Variants in PPM1G observed in about 807,000 individuals in gnomAD.
PPM1G encodes the protein protein phosphatase 1G.
In PPM1G, 12 loss-of-function variants were observed where a neutral mutation model predicts 59.4. That is an observed-to-expected ratio of 0.20 (90% CI 0.13 to 0.33). The LOEUF is 0.33. Ranked by LOEUF, PPM1G falls within the 10% of genes least tolerant of loss-of-function variation. The probability of loss-of-function intolerance (pLI) is 1.00; values close to 1 mark genes in which losing one functional copy is unlikely to be tolerated. For synonymous variants in PPM1G, 245 were observed against 251.9 expected (o/e 0.97, Z 0.26); for missense variants, 392 against 681.3 (o/e 0.58, Z 4.73).
At chr2:27,388,947 G>A (rs931429127) in intron 1 of PPM1G, among the ~76,000 whole-genome samples, 1 of 147,530 alleles carries the variant, frequency 6.8e-6, no homozygotes, top group African/African-American at 2.5e-5. Flanking sequence ...ACCACAGAGG[G>A]TGAGATTTGG....
At chr2:27,407,148 T>C (rs1663397352) in intron 1 of PPM1G, among the ~76,000 whole-genome samples, 1 of 152,020 alleles carries the variant, frequency 6.6e-6, no homozygotes, top group Non-Finnish European at 1.5e-5. Context: ...TGTATTTTAA[T>C]AAAGACGGGG....
intron 1 of PPM1G, among the ~76,000 whole-genome samples, chr2:27,404,432 C>T (rs1663289908): frequency 6.6e-6 from 1 of 151,792 alleles, no homozygotes; most frequent in African/African-American, 2.4e-5. Flanking sequence ...CTCCTGTAAT[C>T]CCAGCTATTT....
chr2:27,406,021 A>G (rs1663353550), intron 1 of PPM1G, among the ~76,000 whole-genome samples: 1 of 152,054 alleles, frequency 6.6e-6, no homozygotes, highest in Non-Finnish European at 1.5e-5. Context: ...AAACAAAACA[A>G]AACAAACAAC....
intron 1 of PPM1G, among the ~76,000 whole-genome samples, chr2:27,388,839 CACTCCAGCCAGGGCGACAGAGCAAG>C (rs1683830244): frequency 7.1e-6 from 1 of 140,662 alleles, no homozygotes; most frequent in Non-Finnish European, 1.5e-5. Flanking sequence ...TGCGCCACTG[CACTCCAGCCAGGGCGACAGAGCAAG>C]ACTCCGTCTC....
At chr2:27,391,801 G>A (rs1235549946) in intron 1 of PPM1G, among the ~76,000 whole-genome samples, 1 of 149,420 alleles carries the variant, frequency 6.7e-6, no homozygotes, top group African/African-American at 2.5e-5. Context: ...GCGCGATCTC[G>A]GCTCATCACA....
chr2:27,408,120 T>C (rs1572671744), intron 1 of PPM1G, among the ~76,000 whole-genome samples: 1 of 152,170 alleles, frequency 6.6e-6, no homozygotes, highest in East Asian at 1.9e-4. Flanking sequence ...ATTTTATACC[T>C]AATTATAAAA....
intron 1 of PPM1G, among the ~76,000 whole-genome samples, chr2:27,404,768 C>A (rs1270918295): frequency 1.3e-5 from 2 of 151,554 alleles, no homozygotes; most frequent in Non-Finnish European, 1.5e-5. Flanking sequence ...CATAGTGAAA[C>A]CCTGTCTCTA....
At chr2:27,388,192 T>C (rs1004251599) in intron 1 of PPM1G, among the ~76,000 whole-genome samples, 3 of 151,496 alleles carry the variant, frequency 2.0e-5, no homozygotes, top group Non-Finnish European at 4.4e-5. Flanking sequence ...CGGCAGATCA[T>C]GAAGTCAAGA....
intron 1 of PPM1G, among the ~76,000 whole-genome samples, chr2:27,405,617 G>A (rs1266324987): frequency 1.3e-5 from 2 of 150,944 alleles, no homozygotes; most frequent in Non-Finnish European, 3.0e-5. Context: ...GGCTGGTCTC[G>A]AACTGACCTC....
chr2:27,389,808 T>A (rs1378509393), intron 1 of PPM1G, among the ~76,000 whole-genome samples: 1 of 151,900 alleles, frequency 6.6e-6, no homozygotes, highest in Non-Finnish European at 1.5e-5. Context: ...TACAAAAAAA[T>A]TTTAAAGTTA....
rs1209763753 is a variant in PPM1G, at chr2:27,392,295, T to TG, written c.121-5138_121-5137insC. Reference sequence around the variant, plus strand: ...TTTGTTGGTTTGTTTTGTTTTTTTTTTTTTTTTTTTTTTTTGAGAGAGAGA... The same window carrying TG: ...TTTGTTGGTTTGTTTTGTTTTTTTTTGTTTTTTTTTTTTTTTGAGAGAGAGA... On this transcript the variant is annotated intron_variant, in intron 1 of 9. Coordinates refer to ENST00000344034, the MANE Select transcript of PPM1G (RefSeq NM_177983.3). Among the ~76,000 whole-genome samples the TG allele has an allele frequency of 1.7e-4, 9 of 52,760 alleles. 1 individual carries two copies. The highest frequency in any genetic ancestry group is 3.0e-4 in the African/African-American group (4 of 13,550). The allele number at this position is 52,760 out of a possible 152,430, so 34.6% of individuals were successfully genotyped here. A position where few individuals can be genotyped will look rare whatever the true frequency, so the allele number is the denominator to read the frequency against.
chr2:27,398,747 G>A (rs1047477578), intron 1 of PPM1G, among the ~76,000 whole-genome samples: 13 of 151,352 alleles, frequency 8.6e-5, no homozygotes, highest in Non-Finnish European at 1.9e-4. Flanking sequence ...GCTTGAACCC[G>A]GGAGGCAGAG....
chr2:27,391,215 T>G (rs13427216), intron 1 of PPM1G, among the ~76,000 whole-genome samples: 161 of 152,348 alleles, frequency 1.1e-3, no homozygotes, highest in African/African-American at 3.6e-3. Flanking sequence ...ATCAGATTGC[T>G]GGGTCTAATG....
intron 1 of PPM1G, among the ~76,000 whole-genome samples, chr2:27,389,181 T>C (rs1683839093): frequency 6.6e-6 from 1 of 152,288 alleles, no homozygotes; most frequent in South Asian, 2.1e-4. Context: ...CACAGAACTG[T>C]TGTAATGATG....
At chr2:27,389,129 C>T (rs995994570) in intron 1 of PPM1G, among the ~76,000 whole-genome samples, 2 of 152,084 alleles carry the variant, frequency 1.3e-5, no homozygotes, top group Admixed American at 1.3e-4. Flanking sequence ...CAATTTTATC[C>T]TCTGTGATGT....
At chr2:27,387,810 A>T (rs1432120637) in intron 1 of PPM1G, among the ~76,000 whole-genome samples, 1 of 149,500 alleles carries the variant, frequency 6.7e-6, no homozygotes, top group East Asian at 2.0e-4. Flanking sequence ...ATTTATTATT[A>T]TTTTTTGAGA....
Position 27,393,157 on chromosome 2 carries a change from T to C in PPM1G, c.121-5999A>G, listed in dbSNP as rs1029738413. 7 of 1,440,600 alleles carry C rather than the reference T, an allele frequency of 4.9e-6. No homozygotes were observed. The African/African-American group carries it at 7.0e-5, about 14-fold the overall frequency. The allele number at this position is 1,440,600 out of a possible 1,614,324, so 89.2% of individuals were successfully genotyped here. ...CCACCTCGTTGGTTCTACAGCTTCA[T>C]CAATTTCTCAGCATGTTCCCTCTCC... On this transcript the variant is annotated intron_variant, in intron 1 of 9. Coordinates refer to ENST00000344034, the MANE Select transcript of PPM1G (RefSeq NM_177983.3).
intron 1 of PPM1G, chr2:27,392,770 A>G: frequency 7.0e-7 from 1 of 1,437,160 alleles, no homozygotes; most frequent in East Asian, 2.3e-5. Context: ...GCTATGGGGA[A>G]ATTAGCCTGA....
Position 27,381,247 on chromosome 2 carries a change from CAG to C in PPM1G, c.*350_*351del. On this transcript the variant is annotated 3_prime_UTR_variant, in exon 10 of 10. Coordinates refer to ENST00000344034, the MANE Select transcript of PPM1G (RefSeq NM_177983.3). ...AAAAGTGTTGATTGAAAGTGTACAACAGAGAGCGGGTGCAAGCGGCCGAGGGC... is the reference window on the plus strand; with the variant it reads ...AAAAGTGTTGATTGAAAGTGTACAACAGAGCGGGTGCAAGCGGCCGAGGGC... 2 of 373,672 alleles carry C rather than the reference CAG, an allele frequency of 5.4e-6. No homozygotes were observed. The highest frequency in any genetic ancestry group is 1.0e-5 in the Non-Finnish European group (2 of 199,590). 23.1% of individuals were successfully genotyped at this position (373,672 alleles called of 1,614,324 possible).
Sources: allele counts gnomAD v4.1 joint callset (sites outside exome capture counted in the v4.1 genomes callset), GRCh38; gene constraint gnomAD v4.1.1; transcripts MANE v1.5; gene names NCBI Gene and HGNC (gene_info 2026-07-23, HGNC 2026-07-21).